Variants in PMP22 observed in about 807,000 individuals in gnomAD.
PMP22 encodes peripheral myelin protein 22.
In PMP22, 2 loss-of-function variants were observed where a neutral mutation model predicts 18.9. That is an observed-to-expected ratio of 0.11 (90% CI 0.04 to 0.33). The LOEUF (loss-of-function observed/expected upper bound fraction) is 0.33, where lower values mean the gene tolerates loss of function less well. PMP22 is among the 10% of genes least tolerant of loss of function. The probability of loss-of-function intolerance (pLI) is 1.00; values close to 1 mark genes in which losing one functional copy is unlikely to be tolerated. For missense variants in PMP22, 169 were observed against 202.2 expected (o/e 0.84, Z 1.00); for synonymous variants, 95 against 89.2 (o/e 1.07, Z -0.37).
chr17:15,259,863 G>A (rs914891788), intron 2 of PMP22, among the ~76,000 whole-genome samples: 17 of 150,178 alleles, frequency 1.1e-4, no homozygotes, highest in South Asian at 4.2e-4. Flanking sequence ...GCTTGAACCC[G>A]GAAGGCAGAG....
rs1442742562 is a variant in PMP22, at chr17:15,258,094, T to C, written c.178+1000A>G. Among the ~76,000 whole-genome samples, 1 of 152,148 alleles carries C rather than the reference T, an allele frequency of 6.6e-6. No individual in the cohort carries two copies. Among genetic ancestry groups the C allele is most frequent in the Non-Finnish European group, 1.5e-5 (1 of 68,038 alleles). On this transcript the variant is annotated intron_variant, in intron 3 of 4. Transcript: ENST00000312280. This position sits in a 1 kb window ranked among gnomAD's most constrained non-coding sequence, Gnocchi z 4.1. ...CTGGTTTCTCTCGTCTGGTGTAGCA[T>C]CTTGAACATATATACTGGATCTATG... is the stretch of plus-strand genomic sequence containing the variant.
chr17:15,260,114 G>GAAGTTAC (rs1289756539), intron 2 of PMP22, among the ~76,000 whole-genome samples: 1 of 152,096 alleles, frequency 6.6e-6, no homozygotes, highest in Non-Finnish European at 1.5e-5. Context: ...TTTTGTAACA[G>GAAGTTAC]AAGTTACTCT....
intron 3 of PMP22, among the ~76,000 whole-genome samples, chr17:15,252,627 T>C (rs551928263): frequency 6.6e-6 from 1 of 152,340 alleles, no homozygotes; most frequent in East Asian, 1.9e-4. Context: ...ATTCCCTTCA[T>C]GCTTTGGTGT....
At chr17:15,235,265 C>T (rs1906699980) in intron 4 of PMP22, 2 of 717,506 alleles carry the variant, frequency 2.8e-6, no homozygotes, top group African/African-American at 1.7e-5. Flanking sequence ...GGTAACCACA[C>T]ATTTGACTTG....
chr17:15,257,349 G>A (rs1304108052), intron 3 of PMP22, among the ~76,000 whole-genome samples: 1 of 152,162 alleles, frequency 6.6e-6, no homozygotes, highest in African/African-American at 2.4e-5. Context: ...CTCCTCTGCC[G>A]CCTCGTTTCT....
At chr17:15,255,863 G>A (rs989714798) in intron 3 of PMP22, among the ~76,000 whole-genome samples, 1 of 152,108 alleles carries the variant, frequency 6.6e-6, no homozygotes, top group African/African-American at 2.4e-5. Context: ...CTCCCTTTGG[G>A]CACCTGGCCT....
At chr17:15,247,808 G>A (rs1031074858) in intron 3 of PMP22, among the ~76,000 whole-genome samples, 1 of 152,182 alleles carries the variant, frequency 6.6e-6, no homozygotes, top group East Asian at 1.9e-4. Context: ...AAGGACAGTT[G>A]CAAGAGTCAG....
intron 4 of PMP22, among the ~76,000 whole-genome samples, chr17:15,234,215 G>A (rs139467627): frequency 1.5e-3 from 226 of 152,276 alleles, no homozygotes; most frequent in Non-Finnish European, 2.8e-3. Context: ...CAGCATGACC[G>A]CCTGGTGTGT....
chr17:15,253,647 T>C (rs1286874840), intron 3 of PMP22, among the ~76,000 whole-genome samples: 1 of 152,106 alleles, frequency 6.6e-6, no homozygotes, highest in Non-Finnish European at 1.5e-5. Context: ...TCTGTGATTC[T>C]ACTTACCCCT....
Position 15,260,740 on chromosome 17 carries a change from T to A in PMP22, c.-13A>T. ...ACAGGAGGAGCATTCTGGCGGCAAG[T>A]TCTGCTCAGCGGAGTTTCTGCCTGC... On this transcript the variant is annotated 5_prime_UTR_variant, in exon 2 of 5. Coordinates refer to ENST00000312280, the MANE Select transcript of PMP22 (RefSeq NM_000304.4). 1 of 1,551,324 alleles carries A rather than the reference T, an allele frequency of 6.4e-7. No individual in the cohort carries two copies.
In PMP22 at chr17:15,260,656, G is replaced by T. The variant is rs371373574; in HGVS notation, c.72C>A (p.Ile24=). The change falls in exon 2 of 5, where the codon ATC becomes ATA. Residue 24 remains isoleucine, a synonymous_variant. Coordinates refer to ENST00000312280, the MANE Select transcript of PMP22 (RefSeq NM_000304.4). ...AVLVLLFVST[I]VSQWIVGNGH... is the part of the protein sequence containing the mutation. Reference sequence around the variant, plus strand: ...CTCCCCGCCAGGCACTCACGCTGACGATCGTGGAGACGAACAGCAGCACCA... The same window carrying T: ...CTCCCCGCCAGGCACTCACGCTGACTATCGTGGAGACGAACAGCAGCACCA... The T allele has an allele frequency of 1.7e-5, 26 of 1,552,010 alleles. No individual in the cohort carries two copies. The African/African-American group carries it at 3.1e-4, about 19-fold the overall frequency.
At chr17:15,241,907 A>G (rs552747874) in intron 3 of PMP22, among the ~76,000 whole-genome samples, 39 of 152,312 alleles carry the variant, frequency 2.6e-4, no homozygotes, top group African/African-American at 6.7e-4. Flanking sequence ...CAATAAATAA[A>G]ACACATGCAT....
intron 2 of PMP22, among the ~76,000 whole-genome samples, chr17:15,259,682 C>A (rs1393391498): frequency 1.3e-5 from 2 of 151,720 alleles, no homozygotes; most frequent in Non-Finnish European, 2.9e-5. Flanking sequence ...TGGCTCACAC[C>A]TGTAATCCCA....
At chr17:15,247,366 C>G (rs1399556718) in intron 3 of PMP22, among the ~76,000 whole-genome samples, 1 of 152,184 alleles carries the variant, frequency 6.6e-6, no homozygotes, top group East Asian at 1.9e-4. Flanking sequence ...GAGACTGTCT[C>G]AAAAACAACA....
At chr17:15,251,247 C>T (rs1034827690) in intron 3 of PMP22, among the ~76,000 whole-genome samples, 27 of 152,204 alleles carry the variant, frequency 1.8e-4, no homozygotes, top group Non-Finnish European at 3.2e-4. Context: ...CTGAGCAGCT[C>T]ATTCCTCCAG....
chr17:15,245,557 C>T (rs1907727740), intron 3 of PMP22, among the ~76,000 whole-genome samples: 1 of 152,138 alleles, frequency 6.6e-6, no homozygotes, highest in Non-Finnish European at 1.5e-5. Context: ...AATGATCAAA[C>T]AAAAGAGTTG....
intron 2 of PMP22, chr17:15,260,379 T>C: frequency 1.9e-6 from 1 of 531,054 alleles, no homozygotes; most frequent in Non-Finnish European, 3.4e-6. Flanking sequence ...CAAATGAAGG[T>C]CGGGGACCCT....
chr17:15,260,897 A>T lies in PMP22; in HGVS notation c.-34-136T>A, dbSNP rs972250561. ...CGCAGCCCGACCGCCCGCGCGGGTCAGGAGCCTTCGCGCCGCCTGCCGCCG... is the reference window on the plus strand; with the variant it reads ...CGCAGCCCGACCGCCCGCGCGGGTCTGGAGCCTTCGCGCCGCCTGCCGCCG... On this transcript the variant is annotated intron_variant, in intron 1 of 4. Coordinates refer to ENST00000312280, the MANE Select transcript of PMP22 (RefSeq NM_000304.4). The T allele has an allele frequency of 1.1e-4, 52 of 488,250 alleles. 1 individual carries two copies. In the Middle Eastern group the frequency reaches 1.7e-3, roughly 16 times the overall value. 30.2% of individuals were successfully genotyped at this position (488,250 alleles called of 1,614,324 possible).
intron 4 of PMP22, among the ~76,000 whole-genome samples, chr17:15,236,865 G>A (rs77022455): frequency 0.066 from 10,059 of 152,262 alleles, 471 homozygotes; most frequent in Non-Finnish European, 0.096. Context: ...AGAGATCTGA[G>A]GTTCCCTGGA....
Sources: gnomAD v4.1 joint callset for allele counts (sites outside exome capture counted in the v4.1 genomes callset) on GRCh38, gnomAD v4.1.1 for gene constraint, Gnocchi (gnomAD v3.1) non-coding constraint, MANE v1.5 for transcripts, NCBI Gene and HGNC (gene_info 2026-07-23, HGNC 2026-07-21) for gene names.